PIK3AP1: variants seen among roughly 807,000 people sequenced by gnomAD.
PIK3AP1 encodes phosphoinositide 3-kinase adapter protein 1.
PIK3AP1 carries 21 observed loss-of-function variants against 88.1 expected under a neutral mutation model. The ratio of observed to expected loss-of-function variants is 0.24; its 90% CI spans 0.17 to 0.34. The LOEUF (loss-of-function observed/expected upper bound fraction) is 0.34, where lower values mean the gene tolerates loss of function less well. PIK3AP1 is among the 10% of genes least tolerant of loss of function. The pLI is 1.00. For missense variants in PIK3AP1, 828 were observed against 1,035.7 expected, an observed-to-expected ratio of 0.80 and a Z score of 2.75; for synonymous variants, 398 against 400.0, an observed-to-expected ratio of 1.00 and a Z score of 0.06.
intron 15 of PIK3AP1, 97 bp from the exon 16 acceptor site, chr10:96,602,495 G>T (rs764676052): frequency 6.9e-5 from 72 of 1,039,688 alleles, no homozygotes; most frequent in Non-Finnish European, 9.8e-5. Flanking sequence ...TCCTCCTTAG[G>T]CTGGGGCTGA....
chr10:96,628,501 G>A lies in PIK3AP1; in HGVS notation c.1376-8C>T, dbSNP rs754562989. ...CCTGAAGCATTTCAACATCTAGAAG[G>A]AAAAGGAGACTAAGAGTTATATATT... On this transcript the variant is annotated splice_polypyrimidine_tract_variant and splice_region_variant and intron_variant, in intron 8 of 16. Transcript: ENST00000339364. 5.3e-5 allele frequency: 85 copies of A among 1,597,178 alleles called. 1 individual carries two copies. The South Asian group carries it at 9.0e-4, about 17-fold the overall frequency.
intron 2 of PIK3AP1, among the ~76,000 whole-genome samples, chr10:96,657,554 G>A (rs1490698724): frequency 1.3e-5 from 2 of 152,174 alleles, no homozygotes; most frequent in African/African-American, 4.8e-5. Flanking sequence ...TGTGGTATTG[G>A]CACAGAATGA....
chr10:96,713,909 C>A (rs1589553287), intron 1 of PIK3AP1, among the ~76,000 whole-genome samples: 1 of 152,094 alleles, frequency 6.6e-6, no homozygotes. Context: ...TGCGGTGGCT[C>A]AAGCCTGTAA....
At chr10:96,603,792 C>T (rs990806960) in intron 15 of PIK3AP1, 187 bp downstream of exon 15, 2 of 569,678 alleles carry the variant, frequency 3.5e-6, no homozygotes, top group African/African-American at 3.8e-5. Context: ...CATTCCTCCT[C>T]CCTCCAGCCG....
intron 2 of PIK3AP1, among the ~76,000 whole-genome samples, chr10:96,666,503 T>G (rs1843765072): frequency 6.6e-6 from 1 of 152,142 alleles, no homozygotes; most frequent in Non-Finnish European, 1.5e-5. Context: ...CACTAAAGCT[T>G]CATAATATTT....
Position 96,609,881 on chromosome 10 carries a change from A to C in PIK3AP1, c.2015-14T>G, listed in dbSNP as rs1849078383. ...TGATCTCCAAGTCTGGAATTGGAGG[A>C]AAGAGGGATAAGCTGTCAAGATACC... is the stretch of plus-strand genomic sequence containing the variant. On this transcript the variant is annotated splice_polypyrimidine_tract_variant and intron_variant, in intron 13 of 16. Transcript: ENST00000339364. 6.2e-7 allele frequency: 1 copy of C among 1,613,352 alleles called. No homozygotes were observed. Among genetic ancestry groups the C allele is most frequent in the African/African-American group, 1.3e-5 (1 of 74,884 alleles).
rs553223750 is a variant in PIK3AP1 at position 96,648,920 on chromosome 10, T to C, written c.989-65A>G. 2.2e-3 allele frequency: 3,015 copies of C among 1,380,356 alleles called. 7 individuals carry two copies. Among genetic ancestry groups the C allele is most frequent in the Non-Finnish European group, 2.7e-3 (2,766 of 1,038,984 alleles). 85.5% of individuals were successfully genotyped at this position (1,380,356 alleles called of 1,614,324 possible). On this transcript the variant is annotated intron_variant, in intron 6 of 16. Transcript: ENST00000339364. ...TAAAGGCACAGGGTGCCCTTGTTCA[T>C]GGAGATGAAGCTGCCAAGACTAGCA...
intron 3 of PIK3AP1, among the ~76,000 whole-genome samples, chr10:96,655,153 G>A (rs1244077506): frequency 6.6e-6 from 1 of 152,208 alleles, no homozygotes; most frequent in African/African-American, 2.4e-5. Context: ...GCCTCCCAAA[G>A]TCTTGGGATT....
At chr10:96,626,995 T>C (rs1843163534) in intron 9 of PIK3AP1, 90 bp from the exon 10 acceptor site, 1 of 1,252,984 alleles carries the variant, frequency 8.0e-7, no homozygotes, top group Admixed American at 1.7e-5. Flanking sequence ...CCTTACTTTG[T>C]TTCCTCAGTG....
chr10:96,620,595 C>A (rs377272966), intron 11 of PIK3AP1, 38 bp from the exon 12 acceptor site: 117 of 1,574,320 alleles, frequency 7.4e-5, no homozygotes, highest in South Asian at 2.9e-4. Flanking sequence ...ACAGCTCCCC[C>A]ACTGGGGACC....
chr10:96,673,499 C>T (rs768771486), intron 2 of PIK3AP1, among the ~76,000 whole-genome samples: 2 of 152,142 alleles, frequency 1.3e-5, no homozygotes, highest in African/African-American at 2.4e-5. Context: ...CTACCACAGC[C>T]CCCCCCGAAA....
At chr10:96,702,253 C>T (rs1459212716) in intron 2 of PIK3AP1, among the ~76,000 whole-genome samples, 1 of 152,160 alleles carries the variant, frequency 6.6e-6, no homozygotes, top group Admixed American at 6.5e-5. Flanking sequence ...GTAATCCCAA[C>T]AGTTCAGGAG....
At chr10:96,627,045 G>A in intron 9 of PIK3AP1, 140 bp from the exon 10 acceptor site, 2 of 755,144 alleles carry the variant, frequency 2.6e-6, no homozygotes, top group South Asian at 3.2e-5. Context: ...ATCACTTCCT[G>A]TATCGTCTGC....
chr10:96,621,409 C>G (rs1293115607), intron 11 of PIK3AP1: 1 of 152,642 alleles, frequency 6.6e-6, no homozygotes, highest in Non-Finnish European at 1.5e-5. Context: ...GCATAATCTT[C>G]AGAACCCCAT....
chr10:96,675,477 G>A (rs1383736109), intron 2 of PIK3AP1, among the ~76,000 whole-genome samples: 3 of 152,146 alleles, frequency 2.0e-5, no homozygotes, highest in African/African-American at 4.8e-5. Context: ...GGCCTTGGTC[G>A]AAAGCTATGA....
At chr10:96,705,052 G>A (rs1364497837) in intron 2 of PIK3AP1, among the ~76,000 whole-genome samples, 6 of 152,092 alleles carry the variant, frequency 3.9e-5, no homozygotes, top group Non-Finnish European at 8.8e-5. Context: ...TTATCAAAAG[G>A]TATCTCAAAG....
rs1404190224 is a variant in PIK3AP1, at chr10:96,602,357, G to A, written c.2283C>T (p.Gly761=). 17 of 1,612,752 alleles carry A rather than the reference G, an allele frequency of 1.1e-5. No individual in the cohort carries two copies. The highest frequency in any genetic ancestry group is 2.2e-5 in the South Asian group (2 of 90,972). The change falls in exon 16 of 17, where the codon GGC becomes GGT. Residue 761 remains glycine (G), a synonymous_variant. Transcript: ENST00000339364. ...VPEVTRSRSP[G]PPQVDGTPTM... is the part of the protein sequence containing the mutation. ...TGGGTGTCCCATCCACTTGTGGGGG[G>A]CCTGGACTGCGACTTCTGGTAACCT...
At chr10:96,626,630 A>G in intron 10 of PIK3AP1, 78 bp downstream of exon 10, 5 of 1,484,922 alleles carry the variant, frequency 3.4e-6, no homozygotes, top group Non-Finnish European at 4.6e-6. Flanking sequence ...GCAATGGTTC[A>G]AAAAGCCAGG....
intron 2 of PIK3AP1, among the ~76,000 whole-genome samples, chr10:96,702,721 A>T (rs990444201): frequency 1.3e-5 from 2 of 152,102 alleles, no homozygotes; most frequent in Non-Finnish European, 2.9e-5. Flanking sequence ...GTATATGTAT[A>T]AAAAAATCAC....
Sources: gnomAD v4.1 joint callset for allele counts (sites outside exome capture counted in the v4.1 genomes callset) on GRCh38, gnomAD v4.1.1 for gene constraint, MANE v1.5 for transcripts, NCBI Gene and HGNC (gene_info 2026-07-23, HGNC 2026-07-21) for gene names.